Variants in GRIK2 observed in about 807,000 individuals in gnomAD.
The protein encoded by GRIK2 is glutamate ionotropic receptor kainate type subunit 2.
Under a neutral mutation model 100.3 loss-of-function variants are expected in GRIK2, and 32 were observed. The ratio of observed to expected loss-of-function variants is 0.32; its 90% CI spans 0.24 to 0.43. The LOEUF (loss-of-function observed/expected upper bound fraction) is 0.43, where lower values mean the gene tolerates loss of function less well. Ranked by LOEUF, GRIK2 falls within the 20% of genes least tolerant of loss-of-function variation. The pLI is 1.00. For missense variants in GRIK2, 843 were observed against 1,114.9 expected (o/e 0.76, Z 3.47); for synonymous variants, 417 against 389.4 (o/e 1.07, Z -0.83).
chr6:101,998,845 G>A (rs1309800959), intron 14 of GRIK2, among the ~76,000 whole-genome samples: 6 of 115,978 alleles, frequency 5.2e-5, no homozygotes, highest in African/African-American at 6.6e-5. Flanking sequence ...TTGGAGTCTC[G>A]TTCTGTCTCC....
chr6:101,512,080 A>T (rs992864858), intron 2 of GRIK2, among the ~76,000 whole-genome samples: 15 of 151,456 alleles, frequency 9.9e-5, no homozygotes, highest in Admixed American at 6.6e-5. Flanking sequence ...ATATATACAC[A>T]CATACATGAA....
intron 10 of GRIK2, among the ~76,000 whole-genome samples, chr6:101,849,466 C>T (rs915621379): frequency 1.3e-5 from 2 of 151,998 alleles, no homozygotes; most frequent in Non-Finnish European, 2.9e-5. Context: ...TTATAATGAA[C>T]CAACTCACCT....
intron 7 of GRIK2, among the ~76,000 whole-genome samples, chr6:101,761,003 T>C (rs1777621757): frequency 6.6e-6 from 1 of 152,072 alleles, no homozygotes; most frequent in Non-Finnish European, 1.5e-5. Flanking sequence ...GGACATGACA[T>C]GAAGTCTCAG....
chr6:101,798,435 A>G (rs755121700), intron 7 of GRIK2, among the ~76,000 whole-genome samples: 1 of 152,036 alleles, frequency 6.6e-6, no homozygotes, highest in Non-Finnish European at 1.5e-5. Flanking sequence ...TATAAAATGA[A>G]GGTTTGGAAT....
In GRIK2 at chr6:101,420,587, C is replaced by A. The variant is rs891903652; in HGVS notation, c.115+21195C>A. The stretch of plus-strand genomic sequence containing the variant: ...TCATAAAAAAGAAACTAGGGGTGGG[C>A]TCAGCAATCTGTGCCCGAACAGGAC... On this transcript the variant is annotated intron_variant, in intron 2 of 16. Transcript: ENST00000369134. 2.0e-5 allele frequency among the ~76,000 whole-genome samples: 3 copies of A among 152,094 alleles called. No homozygotes were observed. In the East Asian group the frequency reaches 5.8e-4, roughly 29 times the overall value.
At chr6:101,675,306 CCACACA>C (rs3056135) in intron 4 of GRIK2, among the ~76,000 whole-genome samples, 1 of 149,206 alleles carries the variant, frequency 6.7e-6, no homozygotes, top group South Asian at 2.1e-4. Context: ...CACACACACA[CCACACA>C]CACACACACA....
At chr6:101,613,806 T>G (rs953320013) in intron 2 of GRIK2, among the ~76,000 whole-genome samples, 1 of 151,030 alleles carries the variant, frequency 6.6e-6, no homozygotes, top group Non-Finnish European at 1.5e-5. Context: ...AGATTAGTCA[T>G]GTGACAAACA....
intron 14 of GRIK2, among the ~76,000 whole-genome samples, chr6:102,017,828 A>G (rs1346854622): frequency 1.3e-5 from 2 of 152,160 alleles, no homozygotes; most frequent in African/African-American, 4.8e-5. Flanking sequence ...TAAAACCATG[A>G]AAGTCTCATT....
At chr6:102,060,679 T>C (rs1771702001) in intron 16 of GRIK2, among the ~76,000 whole-genome samples, 2 of 150,772 alleles carry the variant, frequency 1.3e-5, no homozygotes, top group South Asian at 4.1e-4. Context: ...CAGTAATGCC[T>C]TTTTAGAAAC....
At chr6:101,923,925 CAAAAAAAAAAAAAA>C (rs768844963) in intron 12 of GRIK2, among the ~76,000 whole-genome samples, 1 of 60,772 alleles carries the variant, frequency 1.6e-5, no homozygotes, top group Non-Finnish European at 3.6e-5. Context: ...ATTCTGTCTC[CAAAAAAAAAAAAAA>C]AAAAAAAACC....
chr6:101,545,616 T>C (rs955539275), intron 2 of GRIK2, among the ~76,000 whole-genome samples: 1 of 152,164 alleles, frequency 6.6e-6, no homozygotes, highest in African/African-American at 2.4e-5. Context: ...TTACAGAATA[T>C]GGAAATATAC....
At position 101,399,429 on chromosome 6, in the gene GRIK2, G is replaced by A. The variant is rs1582359270; in HGVS notation, c.115+37G>A. ...CATCTCTCTTGGTTGCCTGGTATCC[G>A]CTCCCAGGCAGCCGGATGTAAACAG... is the stretch of plus-strand genomic sequence containing the variant. On this transcript the variant is annotated intron_variant, in intron 2 of 16. Transcript: ENST00000369134. The A allele has an allele frequency of 7.8e-6, 8 of 1,027,476 alleles. No homozygotes were observed. The East Asian group carries it at 1.4e-4, about 18-fold the overall frequency. 63.6% of individuals were successfully genotyped at this position (1,027,476 alleles called of 1,614,324 possible).
intron 2 of GRIK2, among the ~76,000 whole-genome samples, chr6:101,428,062 A>G (rs1769145408): frequency 6.6e-6 from 1 of 152,236 alleles, no homozygotes; most frequent in South Asian, 2.1e-4. Context: ...GCTCATTAGG[A>G]ATTAATATCT....
At chr6:101,613,762 G>T in intron 2 of GRIK2, among the ~76,000 whole-genome samples, 1 of 107,290 alleles carries the variant, frequency 9.3e-6, no homozygotes, top group Admixed American at 9.7e-5. Flanking sequence ...GCTGTGTTCA[G>T]AAAAAAAAAA....
intron 7 of GRIK2, among the ~76,000 whole-genome samples, chr6:101,777,368 G>A (rs1335879119): frequency 6.6e-6 from 1 of 152,078 alleles, no homozygotes; most frequent in African/African-American, 2.4e-5. Context: ...GTGGGCGATT[G>A]TCTGTCCCAT....
chr6:101,943,127 G>A (rs1349848834), intron 14 of GRIK2, among the ~76,000 whole-genome samples: 3 of 152,190 alleles, frequency 2.0e-5, no homozygotes, highest in Non-Finnish European at 4.4e-5. Flanking sequence ...ATGGCTCTAA[G>A]GATCCAAGGT....
At chr6:101,850,996 A>G (rs1286080343) in intron 10 of GRIK2, among the ~76,000 whole-genome samples, 1 of 152,142 alleles carries the variant, frequency 6.6e-6, no homozygotes, top group Admixed American at 6.6e-5. Context: ...AAACTATCCC[A>G]TGACACAGTG....
chr6:101,544,723 A>G (rs1776155457), intron 2 of GRIK2, among the ~76,000 whole-genome samples: 2 of 152,284 alleles, frequency 1.3e-5, no homozygotes, highest in Non-Finnish European at 1.5e-5. Context: ...AATCTTCACA[A>G]TAGCCCTTTG....
Position 101,605,788 on chromosome 6 carries a change from T to A in GRIK2, c.116-16161T>A, listed in dbSNP as rs114237659. 7.3e-3 allele frequency among the ~76,000 whole-genome samples: 1,112 copies of A among 152,170 alleles called. 18 individuals carry two copies. Among genetic ancestry groups the A allele is most frequent in the African/African-American group, 0.026 (1,060 of 41,554 alleles). On this transcript the variant is annotated intron_variant, in intron 2 of 16. Coordinates refer to ENST00000369134, the MANE Select transcript of GRIK2 (RefSeq NM_021956.5). ...TGACCTTGGTAGAGGCTCAAATCAG[T>A]GTTATTTCTTTTTAATCATTTTTTT... is the stretch of plus-strand genomic sequence containing the variant.
Sources: gnomAD v4.1 joint callset for allele counts (sites outside exome capture counted in the v4.1 genomes callset) on GRCh38, gnomAD v4.1.1 for gene constraint, MANE v1.5 for transcripts, NCBI Gene and HGNC (gene_info 2026-07-23, HGNC 2026-07-21) for gene names.